TADA2A: variants seen among roughly 807,000 people sequenced by gnomAD.
TADA2A encodes transcriptional adaptor 2A, also known as transcriptional adapter 2-alpha.
TADA2A carries 38 observed loss-of-function variants against 67.4 expected under a neutral mutation model. That is an observed-to-expected ratio of 0.56 (90% CI 0.44 to 0.74). The LOEUF (loss-of-function observed/expected upper bound fraction) is 0.74. Among genes scored for constraint, TADA2A ranks in the 30% least tolerant of loss-of-function variants. TADA2A has a pLI of 0.00. For missense variants in TADA2A, 454 were observed against 547.0 expected, an observed-to-expected ratio of 0.83 and a Z score of 1.70; for synonymous variants, 192 against 181.6, an observed-to-expected ratio of 1.06 and a Z score of -0.46.
At chr17:37,476,759 CAG>C in intron 15 of TADA2A, 36 bp from the exon 16 acceptor site, 1 of 1,568,852 alleles carries the variant, frequency 6.4e-7, no homozygotes, top group Middle Eastern at 1.8e-4. Flanking sequence ...ACAAAAATGA[CAG>C]ATGTTAATGT....
Position 37,423,579 on chromosome 17 carries a change from TGAATGTGGGCC to T in TADA2A, c.97_107del (p.Glu33ThrfsTer15). 1 of 1,613,466 alleles carries T rather than the reference TGAATGTGGGCC, an allele frequency of 6.2e-7. No individual in the cohort carries two copies. On this transcript the variant is annotated frameshift_variant, in exon 3 of 16. Transcript: ENST00000615182. LOFTEE classifies it high-confidence loss of function. ...TCATGGAGCCTTATATCAAGTGTGC[TGAATGTGGGCC>T]ACCTCCTTTTTTCCTCTGCTTGCAG...
intron 12 of TADA2A, among the ~76,000 whole-genome samples, chr17:37,467,794 A>G (rs568661955): frequency 6.6e-6 from 1 of 152,248 alleles, no homozygotes; most frequent in East Asian, 1.9e-4. Flanking sequence ...AAAAAAGGGA[A>G]TCTTGGGCCG....
At chr17:37,459,702 C>G (rs2053499076) in intron 9 of TADA2A, among the ~76,000 whole-genome samples, 1 of 151,850 alleles carries the variant, frequency 6.6e-6, no homozygotes. Context: ...AAACAATCCT[C>G]CCACCTCAGC....
intron 7 of TADA2A, 70 bp from the exon 8 acceptor site, chr17:37,444,626 A>G: frequency 7.7e-7 from 1 of 1,292,328 alleles, no homozygotes; most frequent in Non-Finnish European, 1.1e-6. Flanking sequence ...CTTCTAAAGC[A>G]TGGCTGCTGT....
In TADA2A at chr17:37,437,990, C is replaced by T. The variant is rs1415721712; in HGVS notation, c.284+161C>T. The T allele has an allele frequency of 4.5e-6, 3 of 659,360 alleles. No homozygotes were observed. The African/African-American group carries it at 5.5e-5, about 12-fold the overall frequency. The allele number at this position is 659,360 out of a possible 1,614,324, so 40.8% of individuals were successfully genotyped here. On this transcript the variant is annotated intron_variant, in intron 5 of 15. Transcript: ENST00000615182. The stretch of plus-strand genomic sequence containing the variant: ...TAGTCCCCTCTGTACATTATTTTTC[C>T]AGTGTCGAAATGTGTCACGAGGATA...
At chr17:37,447,265 G>A (rs764414020) in intron 8 of TADA2A, among the ~76,000 whole-genome samples, 1 of 152,136 alleles carries the variant, frequency 6.6e-6, no homozygotes, top group Admixed American at 6.5e-5. Flanking sequence ...AGGCTCAAGC[G>A]ATTCTCGTGC....
At chr17:37,445,089 T>A (rs1002566594) in intron 8 of TADA2A, among the ~76,000 whole-genome samples, 2 of 152,218 alleles carry the variant, frequency 1.3e-5, no homozygotes, top group Non-Finnish European at 2.9e-5. Flanking sequence ...AGGAAGGGAA[T>A]CAGTTTGAAT....
chr17:37,421,429 G>A (rs770772218), intron 2 of TADA2A, among the ~76,000 whole-genome samples: 3 of 146,160 alleles, frequency 2.1e-5, no homozygotes, highest in Admixed American at 6.9e-5. Context: ...AGAAAAATCC[G>A]AACTCAAATA....
At chr17:37,468,629 A>T (rs1251428779) in intron 12 of TADA2A, among the ~76,000 whole-genome samples, 1 of 151,582 alleles carries the variant, frequency 6.6e-6, no homozygotes, top group African/African-American at 2.4e-5. Flanking sequence ...GGCCTCTCAG[A>T]GTGCTGGGAT....
intron 4 of TADA2A, among the ~76,000 whole-genome samples, chr17:37,429,066 AAG>A (rs980398640): frequency 7.9e-5 from 12 of 151,964 alleles, no homozygotes; most frequent in Middle Eastern, 3.4e-3. Context: ...AAAAAAGAAA[AAG>A]AAAAATTTTG....
intron 8 of TADA2A, among the ~76,000 whole-genome samples, chr17:37,445,971 TTC>T (rs1270901818): frequency 6.6e-6 from 1 of 152,138 alleles, no homozygotes; most frequent in Non-Finnish European, 1.5e-5. Flanking sequence ...CTTGATTCTT[TTC>T]TCTCCATAGA....
At chr17:37,473,133 T>TC (rs2053826300) in intron 14 of TADA2A, among the ~76,000 whole-genome samples, 1 of 145,674 alleles carries the variant, frequency 6.9e-6, no homozygotes, top group African/African-American at 2.5e-5. Flanking sequence ...AGAAATTTTT[T>TC]TTTTTTTTTT....
intron 13 of TADA2A, 130 bp downstream of exon 13, chr17:37,470,662 C>T: frequency 9.8e-7 from 1 of 1,016,414 alleles, no homozygotes; most frequent in African/African-American, 1.7e-5. Flanking sequence ...AATATTTTAG[C>T]AGTCCATCTC....
intron 8 of TADA2A, among the ~76,000 whole-genome samples, chr17:37,453,906 G>T (rs1015181615): frequency 4.0e-5 from 6 of 151,376 alleles, no homozygotes; most frequent in African/African-American, 7.3e-5. Flanking sequence ...GAGTAGCTGG[G>T]ATTACAGGTG....
intron 4 of TADA2A, among the ~76,000 whole-genome samples, chr17:37,437,149 G>A (rs929963810): frequency 7.3e-5 from 9 of 123,744 alleles, no homozygotes; most frequent in Non-Finnish European, 1.2e-4. Context: ...GCAGTGGCGC[G>A]ATCTCAGCTC....
In TADA2A at chr17:37,470,409, C is replaced by T; in HGVS notation, c.905C>T (p.Thr302Ile). The change falls in exon 13 of 16, where the codon ACC (threonine) becomes ATC (isoleucine). Residue 302 changes from threonine to isoleucine, a missense_variant. Coordinates refer to ENST00000615182, the MANE Select transcript of TADA2A (RefSeq NM_001166105.3). ...TTTTCTATACCCCCAGGTGCCAGAA[C>T]CTACGATCACCTCAAGAAGACACGG... ...AGITNFCSAR[T>I]YDHLKKTREE... 2 of 1,613,716 alleles carry T rather than the reference C, an allele frequency of 1.2e-6. No individual in the cohort carries two copies. Among genetic ancestry groups the T allele is most frequent in the South Asian group, 1.1e-5 (1 of 91,058 alleles).
intron 10 of TADA2A, among the ~76,000 whole-genome samples, chr17:37,464,590 A>G (rs1340848154): frequency 1.3e-5 from 2 of 151,994 alleles, no homozygotes; most frequent in Non-Finnish European, 2.9e-5. Context: ...CTGTAATCCT[A>G]GCACTTTGGG....
intron 2 of TADA2A, among the ~76,000 whole-genome samples, chr17:37,413,023 G>A (rs2051925563): frequency 6.6e-6 from 1 of 151,800 alleles, no homozygotes; most frequent in Non-Finnish European, 1.5e-5. Flanking sequence ...CACCTCCCGG[G>A]TTCAAGCAAT....
chr17:37,468,981 A>G, intron 12 of TADA2A, among the ~76,000 whole-genome samples: 1 of 151,528 alleles, frequency 6.6e-6, no homozygotes, highest in Non-Finnish European at 1.5e-5. Flanking sequence ...GTTCACCACA[A>G]CCTCTGCCTT....
Sources: allele counts gnomAD v4.1 joint callset (sites outside exome capture counted in the v4.1 genomes callset), GRCh38; gene constraint gnomAD v4.1.1; transcripts MANE v1.5; gene names NCBI Gene and HGNC (gene_info 2026-07-23, HGNC 2026-07-21).